Variants in DLG2 observed in about 807,000 individuals in gnomAD.
The protein encoded by DLG2 is discs large MAGUK scaffold protein 2.
DLG2 carries 45 observed loss-of-function variants against 132.5 expected under a neutral mutation model. The ratio of observed to expected loss-of-function variants is 0.34; its 90% CI spans 0.27 to 0.44. The LOEUF (loss-of-function observed/expected upper bound fraction) is 0.44, where lower values mean the gene tolerates loss of function less well. Among genes scored for constraint, DLG2 ranks in the 20% least tolerant of loss-of-function variants. The pLI is 1.00. For synonymous variants in DLG2, 424 were observed against 419.6 expected (o/e 1.01, Z -0.13); for missense variants, 1,045 against 1,196.9 (o/e 0.87, Z 1.87).
rs1565586569 is a variant in DLG2 at position 83,906,310 on chromosome 11, CACACACACA to C, written c.1496+24009_1496+24017del. On this transcript the variant is annotated intron_variant, in intron 15 of 27. Transcript: ENST00000376104. ...ACACACACACACACACACACACACACACACACACACCTCGGCCTCCCAAAGTGCTGGGAT... is the reference window on the plus strand; with the variant it reads ...ACACACACACACACACACACACACACCCTCGGCCTCCCAAAGTGCTGGGAT... Among the ~76,000 whole-genome samples the C allele has an allele frequency of 1.9e-3, 253 of 136,676 alleles. 7 individuals carry two copies. The highest frequency in any genetic ancestry group is 7.8e-3 in the East Asian group (36 of 4,630). 89.7% of individuals were successfully genotyped at this position (136,676 alleles called of 152,430 possible). A position where few individuals can be genotyped will look rare whatever the true frequency, so the allele number is the denominator to read the frequency against.
Position 85,625,513 on chromosome 11 carries a change from A to T in DLG2, c.-93+1074T>A, listed in dbSNP as rs141123760. ...TCTAGGTGTTCCAAAAGTTTTATATATCATTGTCCATCTCTACAAATATCA... is the reference window on the plus strand; with the variant it reads ...TCTAGGTGTTCCAAAAGTTTTATATTTCATTGTCCATCTCTACAAATATCA... On this transcript the variant is annotated intron_variant, in intron 2 of 27. Transcript: ENST00000376104. 7.2e-5 allele frequency among the ~76,000 whole-genome samples: 11 copies of T among 152,344 alleles called. No homozygotes were observed. The East Asian group carries it at 2.1e-3, about 29-fold the overall frequency.
At chr11:84,261,011 T>C (rs2154357358) in intron 7 of DLG2, among the ~76,000 whole-genome samples, 1 of 152,334 alleles carries the variant, frequency 6.6e-6, no homozygotes, top group Admixed American at 6.5e-5. Context: ...GTGCTATTCC[T>C]GGAAAGATCC....
intron 6 of DLG2, among the ~76,000 whole-genome samples, chr11:84,928,119 G>T (rs1050581547): frequency 2.6e-5 from 4 of 151,828 alleles, no homozygotes; most frequent in African/African-American, 9.7e-5. Context: ...CAAACAGAAG[G>T]TAATTTCTGT....
intron 17 of DLG2, among the ~76,000 whole-genome samples, chr11:83,812,847 C>T (rs2153967015): frequency 6.6e-6 from 1 of 152,224 alleles, no homozygotes; most frequent in East Asian, 1.9e-4. Context: ...AGGAGTTGCA[C>T]AATGTTACAG....
At position 84,163,503 on chromosome 11, in the gene DLG2, C is replaced by T. The variant is rs369729232; in HGVS notation, c.582G>A (p.Gly194=). 5.0e-5 allele frequency: 80 copies of T among 1,605,368 alleles called. No homozygotes were observed. Among genetic ancestry groups the T allele is most frequent in the Non-Finnish European group, 6.3e-5 (74 of 1,176,924 alleles). The change falls in exon 9 of 28, where the codon GGG becomes GGA. Residue 194 remains glycine (G), a synonymous_variant. Transcript: ENST00000376104. ...CTTCAAATTCATATTCAATTTCTGTCCCATTGACCTGTAAATAGGGAAAAA... is the reference window on the plus strand; with the variant it reads ...CTTCAAATTCATATTCAATTTCTGTTCCATTGACCTGTAAATAGGGAAAAA... ...DTLDTIPYVN[G]TEIEYEFEEI...
intron 16 of DLG2, among the ~76,000 whole-genome samples, chr11:83,847,949 G>A (rs2058947020): frequency 6.6e-6 from 1 of 152,038 alleles, no homozygotes; most frequent in Non-Finnish European, 1.5e-5. Context: ...GCCCAATATC[G>A]TAGCTACCAG....
intron 10 of DLG2, among the ~76,000 whole-genome samples, chr11:84,072,643 T>G (rs534547780): frequency 3.9e-5 from 6 of 152,280 alleles, no homozygotes; most frequent in African/African-American, 1.4e-4. Flanking sequence ...GGAGCACAGA[T>G]CAAGTCTTGA....
intron 6 of DLG2, among the ~76,000 whole-genome samples, chr11:84,874,643 T>C (rs775128162): frequency 6.6e-6 from 1 of 152,184 alleles, no homozygotes; most frequent in East Asian, 1.9e-4. Flanking sequence ...GAATTGAATA[T>C]GGAGAGACTA....
At chr11:84,214,250 T>C (rs7120366) in intron 8 of DLG2, among the ~76,000 whole-genome samples, 20,377 of 140,158 alleles carry the variant, frequency 0.15, 2,299 homozygotes, top group East Asian at 0.23. Context: ...AATATATATA[T>C]ACATATATAT....
At chr11:85,070,604 A>T (rs2065697570) in intron 6 of DLG2, among the ~76,000 whole-genome samples, 1 of 151,832 alleles carries the variant, frequency 6.6e-6, no homozygotes, top group Non-Finnish European at 1.5e-5. Context: ...TATAAGCACT[A>T]AACCAAAAAG....
At chr11:84,465,399 T>C (rs2099091493) in intron 7 of DLG2, among the ~76,000 whole-genome samples, 1 of 151,294 alleles carries the variant, frequency 6.6e-6, no homozygotes. Flanking sequence ...CTAGTGGATC[T>C]TCTTCATATT....
At chr11:85,077,544 C>A (rs895239918) in intron 6 of DLG2, among the ~76,000 whole-genome samples, 1 of 151,624 alleles carries the variant, frequency 6.6e-6, no homozygotes, top group African/African-American at 2.4e-5. Context: ...GTTAAAAGCA[C>A]AAAATTTAAA....
chr11:83,985,891 T>C (rs2093248460), intron 11 of DLG2, among the ~76,000 whole-genome samples: 1 of 152,052 alleles, frequency 6.6e-6, no homozygotes, highest in African/African-American at 2.4e-5. Flanking sequence ...GATTGCTAGG[T>C]TGAATTTTTT....
intron 6 of DLG2, among the ~76,000 whole-genome samples, chr11:84,554,521 C>T (rs1407275506): frequency 6.6e-6 from 1 of 152,006 alleles, no homozygotes; most frequent in Admixed American, 6.6e-5. Context: ...CCGAGGTGGG[C>T]AGATCACCTG....
At chr11:84,668,796 A>C (rs1040206230) in intron 6 of DLG2, among the ~76,000 whole-genome samples, 3 of 152,144 alleles carry the variant, frequency 2.0e-5, no homozygotes, top group Admixed American at 2.0e-4. Context: ...AAATTTGAAA[A>C]TATTTTTACA....
chr11:84,243,017 C>CTCTCTCTCTCTCTATA (rs542476924), intron 8 of DLG2, among the ~76,000 whole-genome samples: 56 of 142,196 alleles, frequency 3.9e-4, no homozygotes, highest in East Asian at 1.5e-3. Flanking sequence ...CTCTCTCTCT[C>CTCTCTCTCTCTCTATA]TATATATATA....
Position 84,746,349 on chromosome 11 carries a change from G to C in DLG2, c.358-211618C>G, listed in dbSNP as rs185518914. ...AATAATTCTTTACTACTGAATAAAGGTGACAATTAATATGCTGTATTATTT... is the reference window on the plus strand; with the variant it reads ...AATAATTCTTTACTACTGAATAAAGCTGACAATTAATATGCTGTATTATTT... On this transcript the variant is annotated intron_variant, in intron 6 of 27. Transcript: ENST00000376104. Among the ~76,000 whole-genome samples the C allele has an allele frequency of 7.0e-3, 1,062 of 151,406 alleles. 14 individuals are homozygous for C. Among genetic ancestry groups the C allele is most frequent in the African/African-American group, 0.023 (964 of 41,316 alleles).
Position 83,994,978 on chromosome 11 carries a change from C to CG in DLG2, c.920-14337_920-14336insC, listed in dbSNP as rs1565955596. 2.1e-3 allele frequency among the ~76,000 whole-genome samples: 303 copies of CG among 143,722 alleles called. 1 individual carries two copies. Among genetic ancestry groups the CG allele is most frequent in the African/African-American group, 7.5e-3 (282 of 37,752 alleles). 94.3% of individuals were successfully genotyped at this position (143,722 alleles called of 152,430 possible). ...CTATGTGCATGTCTGTTTCTGTGTCCATTTTTTTTTTTTTTTTGTAAAGAC... is the reference window on the plus strand; with the variant it reads ...CTATGTGCATGTCTGTTTCTGTGTCCGATTTTTTTTTTTTTTTTGTAAAGAC... On this transcript the variant is annotated intron_variant, in intron 11 of 27. Transcript: ENST00000376104.
In DLG2 at chr11:85,291,585, CTT is replaced by C. The variant is rs11436726; in HGVS notation, c.41-6222_41-6221del. Among the ~76,000 whole-genome samples the C allele has an allele frequency of 3.0e-3, 416 of 138,758 alleles. 4 individuals carry two copies. Among genetic ancestry groups the C allele is most frequent in the African/African-American group, 9.7e-3 (365 of 37,516 alleles). The allele number at this position is 138,758 out of a possible 152,430, so 91.0% of individuals were successfully genotyped here. On this transcript the variant is annotated intron_variant, in intron 3 of 27. Transcript: ENST00000376104. ...ACCAAAATCACCTGAGGATTCTCTT[CTT>C]TTTTTTTTTTTTTTTAAGACAGAGT...
Sources: allele counts gnomAD v4.1 joint callset (sites outside exome capture counted in the v4.1 genomes callset), GRCh38; gene constraint gnomAD v4.1.1; transcripts MANE v1.5; gene names NCBI Gene and HGNC (gene_info 2026-07-23, HGNC 2026-07-21).